The following ABTB2 variants were observed in gnomAD, a reference collection of about 807,000 sequenced individuals.
ABTB2 encodes the protein ankyrin repeat and BTB domain containing 2.
A neutral mutation model predicts 104.1 loss-of-function variants in ABTB2; 56 were observed. The ratio of observed to expected loss-of-function variants is 0.54; its 90% confidence interval spans 0.43 to 0.67. The LOEUF (loss-of-function observed/expected upper bound fraction) is 0.67. Among genes scored for constraint, ABTB2 ranks in the 30% least tolerant of loss-of-function variants. The pLI is 0.00. For synonymous variants in ABTB2, 606 were observed against 608.2 expected (o/e 1.00, Z 0.05); for missense variants, 1,279 against 1,407.7 (o/e 0.91, Z 1.46).
At chr11:34,348,235 TG>T (rs1671048819) in intron 1 of ABTB2, among the ~76,000 whole-genome samples, 2 of 152,140 alleles carry the variant, frequency 1.3e-5, no homozygotes, top group African/African-American at 2.4e-5. Flanking sequence ...GAGGAGTAAT[TG>T]GAGGTCTGGG....
intron 1 of ABTB2, among the ~76,000 whole-genome samples, chr11:34,211,857 C>A (rs1853483932): frequency 6.8e-6 from 1 of 147,666 alleles, no homozygotes; most frequent in African/African-American, 2.5e-5. Flanking sequence ...CCACTGCACT[C>A]CAGCCTGGGC....
At chr11:34,247,926 CTT>C in intron 1 of ABTB2, among the ~76,000 whole-genome samples, 1 of 152,150 alleles carries the variant, frequency 6.6e-6, no homozygotes, top group South Asian at 2.1e-4. Context: ...GCATTTATGT[CTT>C]AACTCGAGGA....
intron 3 of ABTB2, among the ~76,000 whole-genome samples, chr11:34,178,850 C>T (rs767827986): frequency 6.6e-5 from 10 of 151,938 alleles, no homozygotes; most frequent in Non-Finnish European, 1.0e-4. Context: ...CTGAGGTGGG[C>T]GGATTACTGG....
At chr11:34,323,170 G>A (rs1459242795) in intron 1 of ABTB2, among the ~76,000 whole-genome samples, 1 of 152,172 alleles carries the variant, frequency 6.6e-6, no homozygotes, top group Non-Finnish European at 1.5e-5. Context: ...GCCTCCCAAA[G>A]TGCTGGAATT....
rs1852913826 is a variant in ABTB2 at position 34,173,403 on chromosome 11, G to A, written c.1245-96C>T. 6.4e-6 allele frequency: 9 copies of A among 1,412,892 alleles called. No individual in the cohort carries two copies. In the South Asian group the frequency reaches 1.0e-4, roughly 16 times the overall value. 87.5% of individuals were successfully genotyped at this position (1,412,892 alleles called of 1,614,324 possible). ...CTGGGAGGGTGCTTCTTGTGGGGCA[G>A]CAGAGAGAGGGTCAGTCCTAGGGTG... On this transcript the variant is annotated intron_variant, in intron 3 of 16. Coordinates refer to ENST00000435224, the MANE Select transcript of ABTB2 (RefSeq NM_145804.3).
intron 14 of ABTB2, among the ~76,000 whole-genome samples, chr11:34,156,130 C>T (rs2473926): frequency 0.014 from 2,154 of 152,380 alleles, 36 homozygotes; most frequent in African/African-American, 0.049. Flanking sequence ...AAGGCTACCT[C>T]CTGCTGCATT....
intron 1 of ABTB2, among the ~76,000 whole-genome samples, chr11:34,266,665 A>C (rs1044800743): frequency 6.6e-6 from 1 of 151,954 alleles, no homozygotes; most frequent in Non-Finnish European, 1.5e-5. Flanking sequence ...CAGAACATTC[A>C]TTTATTTTTC....
intron 16 of ABTB2, among the ~76,000 whole-genome samples, chr11:34,153,761 G>A (rs1852581894): frequency 1.3e-5 from 2 of 152,188 alleles, no homozygotes; most frequent in African/African-American, 2.4e-5. Flanking sequence ...GGCAAGGCGA[G>A]GGCAGTGGAG....
intron 1 of ABTB2, among the ~76,000 whole-genome samples, chr11:34,217,460 T>G (rs1433965675): frequency 6.6e-6 from 1 of 152,176 alleles, no homozygotes; most frequent in African/African-American, 2.4e-5. Flanking sequence ...ATATAAGTTT[T>G]TTTTGTTTTG....
rs200189695 is a variant in ABTB2 at position 34,160,625 on chromosome 11, T to TG, written c.2398-273dup. Among the ~76,000 whole-genome samples the TG allele has an allele frequency of 6.7e-3, 799 of 119,442 alleles. 11 individuals carry two copies. Among genetic ancestry groups the TG allele is most frequent in the Middle Eastern group, 0.022 (5 of 226 alleles). The allele number at this position is 119,442 out of a possible 152,430, so 78.4% of individuals were successfully genotyped here. A position where few individuals can be genotyped will look rare whatever the true frequency, so the allele number is the denominator to read the frequency against. On this transcript the variant is annotated intron_variant, in intron 11 of 16. Transcript: ENST00000435224. ...GGGTGCTGTGTGTGTGTGTGTTGGG[T>TG]GGGGGGGTTCCTGGGTGCTGGGGGC... is the stretch of plus-strand genomic sequence containing the variant.
At chr11:34,285,182 G>C (rs72914540) in intron 1 of ABTB2, among the ~76,000 whole-genome samples, 2 of 152,082 alleles carry the variant, frequency 1.3e-5, no homozygotes, top group Non-Finnish European at 2.9e-5. Context: ...AAACCCAACC[G>C]AGGGGACCGG....
At chr11:34,265,241 G>C (rs1246078911) in intron 1 of ABTB2, among the ~76,000 whole-genome samples, 2 of 152,208 alleles carry the variant, frequency 1.3e-5, no homozygotes, top group Non-Finnish European at 2.9e-5. Context: ...CCTAGCTGGG[G>C]GAGAGGATGG....
chr11:34,297,796 G>GAAAA (rs1554923796), intron 1 of ABTB2, among the ~76,000 whole-genome samples: 2 of 123,064 alleles, frequency 1.6e-5, no homozygotes, highest in African/African-American at 6.4e-5. Context: ...AAAAATAAAG[G>GAAAA]AAAGAAAAAG....
chr11:34,210,078 G>T (rs1432386070), intron 1 of ABTB2, among the ~76,000 whole-genome samples: 1 of 152,082 alleles, frequency 6.6e-6, no homozygotes, highest in Non-Finnish European at 1.5e-5. Context: ...GCTTGCAGAG[G>T]CGCTGTCTCT....
At chr11:34,293,287 C>G (rs1854584278) in intron 1 of ABTB2, among the ~76,000 whole-genome samples, 1 of 152,098 alleles carries the variant, frequency 6.6e-6, no homozygotes, top group Non-Finnish European at 1.5e-5. Flanking sequence ...GCAGGGGACA[C>G]CTGATGGGAC....
intron 3 of ABTB2, among the ~76,000 whole-genome samples, chr11:34,175,626 A>G (rs1852950768): frequency 3.3e-5 from 5 of 152,204 alleles, no homozygotes; most frequent in Admixed American, 3.3e-4. Flanking sequence ...TCCTTTGGGA[A>G]GGTATTCTGA....
At position 34,171,079 on chromosome 11, in the gene ABTB2, GAAGAGACCCA is replaced by G. The variant is rs1852868268; in HGVS notation, c.1398-18_1398-9del. The G allele has an allele frequency of 6.2e-7, 1 of 1,613,336 alleles. No individual in the cohort carries two copies. The highest frequency in any genetic ancestry group is 1.3e-5 in the African/African-American group (1 of 74,896). On this transcript the variant is annotated splice_polypyrimidine_tract_variant and intron_variant, in intron 4 of 16. Coordinates refer to ENST00000435224, the MANE Select transcript of ABTB2 (RefSeq NM_145804.3). Reference sequence around the variant, plus strand: ...CTGAAACAGTGTTCGGGTCTGCCCAGAAGAGACCCAAAGGTGCGTGTGACTGTATGCAGAC... The same window carrying G: ...CTGAAACAGTGTTCGGGTCTGCCCAGAAGGTGCGTGTGACTGTATGCAGAC...
intron 3 of ABTB2, among the ~76,000 whole-genome samples, chr11:34,192,326 G>A (rs11032546): frequency 0.081 from 12,378 of 152,198 alleles, 768 homozygotes; most frequent in East Asian, 0.32. Context: ...AACTCATTGG[G>A]TCCGCATACC....
At chr11:34,299,885 C>G (rs1456347793) in intron 1 of ABTB2, among the ~76,000 whole-genome samples, 1 of 152,226 alleles carries the variant, frequency 6.6e-6, no homozygotes, top group Admixed American at 6.5e-5. Context: ...AATGGGTCAG[C>G]TACTTCACCT....
Sources: gnomAD v4.1 joint callset for allele counts (sites outside exome capture counted in the v4.1 genomes callset) on GRCh38, gnomAD v4.1.1 for gene constraint, MANE v1.5 for transcripts, NCBI Gene and HGNC (gene_info 2026-07-23, HGNC 2026-07-21) for gene names.